The following DDR2 variants were observed in gnomAD, a reference collection of about 807,000 sequenced individuals.
The protein encoded by DDR2 is discoidin domain receptor tyrosine kinase 2.
In DDR2, 27 loss-of-function variants were observed where a neutral mutation model predicts 94.9. The observed-to-expected ratio is 0.28, with a 90% confidence interval of 0.21 to 0.39. DDR2 has a LOEUF of 0.39. DDR2 is among the 10% of genes least tolerant of loss of function. The pLI, the probability that DDR2 is intolerant of heterozygous loss-of-function variation, is 1.00. For synonymous variants in DDR2, 382 were observed against 377.2 expected, an observed-to-expected ratio of 1.01 and a Z score of -0.15; for missense variants, 783 against 1,076.0, an observed-to-expected ratio of 0.73 and a Z score of 3.81.
At chr1:162,730,050 T>G (rs1315139331) in intron 3 of DDR2, among the ~76,000 whole-genome samples, 1 of 149,662 alleles carries the variant, frequency 6.7e-6, no homozygotes, top group African/African-American at 2.5e-5. Context: ...CTTTTTTTTT[T>G]TTTTTTGCAA....
intron 2 of DDR2, among the ~76,000 whole-genome samples, chr1:162,684,439 T>C (rs1217011866): frequency 6.6e-6 from 1 of 152,186 alleles, no homozygotes; most frequent in Non-Finnish European, 1.5e-5. Flanking sequence ...AGAACTTTCA[T>C]GAAATTTATT....
chr1:162,759,703 T>A (rs1291336069), intron 7 of DDR2, 93 bp from the exon 8 acceptor site: 6 of 1,434,052 alleles, frequency 4.2e-6, no homozygotes, highest in Non-Finnish European at 5.8e-6. Flanking sequence ...ATACAAAATC[T>A]GGAGTGAAGA....
At chr1:162,642,596 A>G (rs1657196647) in intron 1 of DDR2, among the ~76,000 whole-genome samples, 1 of 151,686 alleles carries the variant, frequency 6.6e-6, no homozygotes, top group Non-Finnish European at 1.5e-5. Context: ...GGCCTGTTTT[A>G]TTTTATTTTA....
At chr1:162,641,274 G>A (rs537594269) in intron 1 of DDR2, among the ~76,000 whole-genome samples, 2 of 152,272 alleles carry the variant, frequency 1.3e-5, no homozygotes, top group Admixed American at 1.3e-4. Flanking sequence ...TGTCCTGTCA[G>A]CACCCACATC....
intron 1 of DDR2, among the ~76,000 whole-genome samples, chr1:162,635,555 C>T (rs959077771): frequency 2.0e-5 from 3 of 152,192 alleles, no homozygotes; most frequent in African/African-American, 7.2e-5. Flanking sequence ...AACACAGACA[C>T]ACTGGACTCT....
At chr1:162,696,623 T>C (rs1660206130) in intron 2 of DDR2, among the ~76,000 whole-genome samples, 1 of 151,306 alleles carries the variant, frequency 6.6e-6, no homozygotes, top group Non-Finnish European at 1.5e-5. Context: ...GTGGAGGCGA[T>C]TGCTGGACCA....
At position 162,747,766 on chromosome 1, in the gene DDR2, C is replaced by A. The variant is rs186475588; in HGVS notation, c.83-5329C>A. On this transcript the variant is annotated intron_variant, in intron 3 of 17. Coordinates refer to ENST00000367921, the MANE Select transcript of DDR2 (RefSeq NM_006182.4). ...AGCCAGAGAGAAAGGTCAGGTTACC[C>A]ACAAAGGGAAGCCCATCAGCCTAAT... 8.5e-4 allele frequency among the ~76,000 whole-genome samples: 130 copies of A among 152,262 alleles called. 1 individual carries two copies. The East Asian group carries it at 0.021, about 25-fold the overall frequency.
intron 1 of DDR2, among the ~76,000 whole-genome samples, chr1:162,633,979 T>C (rs1361319167): frequency 6.6e-6 from 1 of 152,234 alleles, no homozygotes; most frequent in East Asian, 1.9e-4. Context: ...GAAAGGTAGC[T>C]AATACATTTG....
chr1:162,660,746 G>A (rs1658252297), intron 2 of DDR2, among the ~76,000 whole-genome samples: 1 of 152,176 alleles, frequency 6.6e-6, no homozygotes, highest in African/African-American at 2.4e-5. Flanking sequence ...GACAGGAGTT[G>A]GAAAACTGTG....
chr1:162,745,038 A>G (rs1412937711), intron 3 of DDR2, among the ~76,000 whole-genome samples: 1 of 152,234 alleles, frequency 6.6e-6, no homozygotes, highest in Non-Finnish European at 1.5e-5. Context: ...TCATCCTGAC[A>G]TGTATAAGGT....
chr1:162,670,137 G>C (rs1030291059), intron 2 of DDR2, among the ~76,000 whole-genome samples: 2 of 152,196 alleles, frequency 1.3e-5, no homozygotes, highest in Admixed American at 1.3e-4. Context: ...TTGAGACAGA[G>C]TCTTGCTCTG....
chr1:162,699,560 G>T (rs1660338178), intron 2 of DDR2, among the ~76,000 whole-genome samples: 2 of 152,300 alleles, frequency 1.3e-5, no homozygotes, highest in South Asian at 4.1e-4. Flanking sequence ...GCTAAATGTG[G>T]TTGTGCAATA....
chr1:162,643,558 T>A (rs1657253336), intron 1 of DDR2, among the ~76,000 whole-genome samples: 1 of 151,992 alleles, frequency 6.6e-6, no homozygotes, highest in Non-Finnish European at 1.5e-5. Flanking sequence ...CTTGGCTCAC[T>A]GTAACTCCGC....
intron 3 of DDR2, among the ~76,000 whole-genome samples, chr1:162,733,695 G>A (rs1263195028): frequency 6.6e-6 from 1 of 152,118 alleles, no homozygotes; most frequent in Non-Finnish European, 1.5e-5. Flanking sequence ...TTTGCCAAAC[G>A]TGTGTTAAGC....
At position 162,784,224 on chromosome 1, in the gene DDR2, C is replaced by T. The variant is rs992084339; in HGVS notation, c.*3978C>T. 8 of 152,566 alleles carry T rather than the reference C, an allele frequency of 5.2e-5. No individual in the cohort carries two copies. Among genetic ancestry groups the T allele is most frequent in the Middle Eastern group, 1.0e-3 (1 of 954 alleles). The allele number at this position is 152,566 out of a possible 1,614,324, so 9.5% of individuals were successfully genotyped here. A position where few individuals can be genotyped will look rare whatever the true frequency, so the allele number is the denominator to read the frequency against. On this transcript the variant is annotated 3_prime_UTR_variant, in exon 18 of 18. Transcript: ENST00000367921. ...AGGAGAATAGAAGAAGGGGAGTGTC[C>T]GCAAAATGGAAAGAGATGAAGATGT...
chr1:162,729,280 T>TTATATATATATATA (rs1194740607), intron 3 of DDR2, among the ~76,000 whole-genome samples: 1 of 69,760 alleles, frequency 1.4e-5, no homozygotes, highest in Non-Finnish European at 2.8e-5. Flanking sequence ...GCATATCCAT[T>TTATATATATATATA]TATATATATA....
chr1:162,685,176 ATATC>A (rs1211564101), intron 2 of DDR2, among the ~76,000 whole-genome samples: 4 of 152,164 alleles, frequency 2.6e-5, no homozygotes, highest in East Asian at 1.9e-4. Flanking sequence ...AAAATATACA[ATATC>A]TATCTCACAG....
intron 11 of DDR2, among the ~76,000 whole-genome samples, chr1:162,767,801 C>CTGGTGTGTG (rs1469126902): frequency 1.3e-4 from 4 of 30,262 alleles, no homozygotes; most frequent in Non-Finnish European, 2.6e-4. Flanking sequence ...CTTTGCTTGT[C>CTGGTGTGTG]TGTTTGGTGT....
intron 2 of DDR2, among the ~76,000 whole-genome samples, chr1:162,715,916 T>G (rs1208052141): frequency 6.6e-6 from 1 of 152,224 alleles, no homozygotes; most frequent in Non-Finnish European, 1.5e-5. Context: ...ATTCGCAGCT[T>G]GAAGCCCGGC....
Sources: gnomAD v4.1 joint callset for allele counts (sites outside exome capture counted in the v4.1 genomes callset) on GRCh38, gnomAD v4.1.1 for gene constraint, MANE v1.5 for transcripts, NCBI Gene and HGNC (gene_info 2026-07-23, HGNC 2026-07-21) for gene names.